The following MAP1LC3B2 variants were observed in gnomAD, a reference collection of about 807,000 sequenced individuals.
MAP1LC3B2 encodes the protein microtubule associated protein 1 light chain 3 beta 2, also known as microtubule-associated protein 1 light chain 3 beta 2.
For synonymous variants in MAP1LC3B2, 62 were observed against 57.8 expected, an observed-to-expected ratio of 1.07 and a Z score of -0.33; for missense variants, 155 against 154.6, an observed-to-expected ratio of 1.00 and a Z score of -0.01.
chr12:116,569,121 C>T lies in MAP1LC3B2; in HGVS notation c.-101-6721C>T, dbSNP rs567878531. Among the ~76,000 whole-genome samples the T allele has an allele frequency of 2.0e-5, 3 of 152,220 alleles. No homozygotes were observed. The East Asian group carries it at 5.8e-4, about 29-fold the overall frequency. ...TCATGATCCGCCCACCTCGGCCTCC[C>T]AAAGTACTGGGATTACAGGTGTGAA... On this transcript the variant is annotated intron_variant, in intron 1 of 1. Coordinates refer to ENST00000556529, the MANE Select transcript of MAP1LC3B2 (RefSeq NM_001085481.3).
At chr12:116,565,611 A>G (rs895848171) in intron 1 of MAP1LC3B2, among the ~76,000 whole-genome samples, 3 of 152,214 alleles carry the variant, frequency 2.0e-5, no homozygotes, top group African/African-American at 7.2e-5. Flanking sequence ...TCTCTTCAGG[A>G]CATAGATGAC....
Position 116,576,377 on chromosome 12 carries a change from A to C in MAP1LC3B2, c.*57A>C. 10 of 1,568,858 alleles carry C rather than the reference A, an allele frequency of 6.4e-6. No homozygotes were observed. The highest frequency in any genetic ancestry group is 8.6e-6 in the Non-Finnish European group (10 of 1,162,390). ...TTTAAACCCTTACCAAGGAAAAAAA[A>C]AGGGATGTTACCAACTGAGATCGAT... is the stretch of plus-strand genomic sequence containing the variant. On this transcript the variant is annotated 3_prime_UTR_variant, in exon 2 of 2. Transcript: ENST00000556529.
chr12:116,576,060 G>C lies in MAP1LC3B2; in HGVS notation c.118G>C (p.Gly40Arg). 1 of 1,614,188 alleles carries C rather than the reference G, an allele frequency of 6.2e-7. No homozygotes were observed. Among genetic ancestry groups the C allele is most frequent in the Non-Finnish European group, 8.5e-7 (1 of 1,180,042 alleles). The change falls in exon 2 of 2, where the codon GGT (glycine) becomes CGT (arginine). Residue 40 changes from glycine to arginine, a missense_variant. Coordinates refer to ENST00000556529, the MANE Select transcript of MAP1LC3B2 (RefSeq NM_001085481.3). The part of the protein sequence containing the change: ...KIPVIIERYK[G>R]EKQLPVLDKT... ...CCCGGTGATAATAGAACGATACAAG[G>C]GTGAGAAGCAGCTTCCTGTTCTGGA...
chr12:116,570,353 T>C (rs1182953243), intron 1 of MAP1LC3B2, among the ~76,000 whole-genome samples: 4 of 152,224 alleles, frequency 2.6e-5, no homozygotes, highest in Admixed American at 6.5e-5. Context: ...CAACACTTTA[T>C]TATAAAATAG....
At chr12:116,571,722 C>G (rs913254688) in intron 1 of MAP1LC3B2, among the ~76,000 whole-genome samples, 1 of 151,742 alleles carries the variant, frequency 6.6e-6, no homozygotes, top group African/African-American at 2.4e-5. Context: ...ACCTCGTGAT[C>G]CGCCTGTCTC....
chr12:116,572,027 G>A (rs12306091), intron 1 of MAP1LC3B2, among the ~76,000 whole-genome samples: 31,889 of 151,248 alleles, frequency 0.21, 3,772 homozygotes, highest in African/African-American at 0.31. Context: ...GAAAAGAAGG[G>A]TGTGATTGAA....
chr12:116,568,487 C>T (rs1869447357), intron 1 of MAP1LC3B2, among the ~76,000 whole-genome samples: 1 of 152,222 alleles, frequency 6.6e-6, no homozygotes, highest in Non-Finnish European at 1.5e-5. Context: ...TTGTGCAGAG[C>T]TTGGGGGATG....
rs545072746 is a variant in MAP1LC3B2, at chr12:116,570,669, T to C, written c.-101-5173T>C. Among the ~76,000 whole-genome samples the C allele has an allele frequency of 9.2e-5, 14 of 152,330 alleles. No individual in the cohort carries two copies. In the South Asian group the frequency reaches 2.9e-3, roughly 32 times the overall value. Reference sequence around the variant, plus strand: ...CTGCTGCCATGTAAGATGTGCCTTTTGCCTTCCACCATGATTGTGAGGCCT... The same window carrying C: ...CTGCTGCCATGTAAGATGTGCCTTTCGCCTTCCACCATGATTGTGAGGCCT... On this transcript the variant is annotated intron_variant, in intron 1 of 1. Transcript: ENST00000556529.
At chr12:116,562,474 C>T (rs1210124001) in intron 1 of MAP1LC3B2, among the ~76,000 whole-genome samples, 1 of 152,222 alleles carries the variant, frequency 6.6e-6, no homozygotes, top group Non-Finnish European at 1.5e-5. Flanking sequence ...AACTTAATCA[C>T]TTGCATAAAA....
At chr12:116,563,255 G>C (rs1037344579) in intron 1 of MAP1LC3B2, among the ~76,000 whole-genome samples, 3 of 152,080 alleles carry the variant, frequency 2.0e-5, no homozygotes, top group African/African-American at 4.8e-5. Context: ...CACCACACCT[G>C]GTAAAGAACT....
At chr12:116,560,245 T>C (rs561197078) in intron 1 of MAP1LC3B2, among the ~76,000 whole-genome samples, 66 of 134,220 alleles carry the variant, frequency 4.9e-4, no homozygotes, top group Non-Finnish European at 8.5e-4. Context: ...TATATATGTA[T>C]GTATATGTAT....
At chr12:116,560,093 A>G (rs1026623073) in intron 1 of MAP1LC3B2, 1 of 147,550 alleles carries the variant, frequency 6.8e-6, no homozygotes, top group African/African-American at 2.5e-5. Context: ...AACAAAAACC[A>G]CCGCAGCTCA....
At chr12:116,564,275 A>G (rs1363483831) in intron 1 of MAP1LC3B2, among the ~76,000 whole-genome samples, 1 of 152,138 alleles carries the variant, frequency 6.6e-6, no homozygotes, top group African/African-American at 2.4e-5. Flanking sequence ...CTAGATGTCT[A>G]GTAAGTTTTC....
intron 1 of MAP1LC3B2, among the ~76,000 whole-genome samples, chr12:116,560,395 C>CCT (rs1372243950): frequency 6.6e-5 from 10 of 151,688 alleles, no homozygotes; most frequent in African/African-American, 1.9e-4. Context: ...ATTACAGGTG[C>CCT]GCCACCACGC....
intron 1 of MAP1LC3B2, among the ~76,000 whole-genome samples, chr12:116,562,949 AC>A (rs1270738976): frequency 4.6e-5 from 7 of 152,248 alleles, no homozygotes; most frequent in African/African-American, 1.7e-4. Context: ...CTCAGCCCAA[AC>A]AAGAACTTTA....
Position 116,576,051 on chromosome 12 carries a change from C to A in MAP1LC3B2, c.109C>A (p.Arg37=), listed in dbSNP as rs760831587. The change falls in exon 2 of 2, where the codon CGA becomes AGA. Residue 37 remains arginine, a synonymous_variant. Coordinates refer to ENST00000556529, the MANE Select transcript of MAP1LC3B2 (RefSeq NM_001085481.3). ...AACCAAAATCCCGGTGATAATAGAA[C>A]GATACAAGGGTGAGAAGCAGCTTCC... is the stretch of plus-strand genomic sequence containing the variant. ...HPTKIPVIIE[R]YKGEKQLPVL... 6 of 1,614,078 alleles carry A rather than the reference C, an allele frequency of 3.7e-6. No homozygotes were observed. The South Asian group carries it at 4.4e-5, about 12-fold the overall frequency.
At chr12:116,574,189 G>A (rs1356245077) in intron 1 of MAP1LC3B2, among the ~76,000 whole-genome samples, 4 of 151,668 alleles carry the variant, frequency 2.6e-5, no homozygotes, top group African/African-American at 9.7e-5. Context: ...AAATGAAAAT[G>A]TCAGTATACA....
chr12:116,566,190 C>T (rs1869381116), intron 1 of MAP1LC3B2, among the ~76,000 whole-genome samples: 4 of 152,160 alleles, frequency 2.6e-5, no homozygotes, highest in African/African-American at 9.7e-5. Flanking sequence ...GGGTGAAGGG[C>T]AAGCTTGAAC....
At chr12:116,575,203 A>G (rs1016431162) in intron 1 of MAP1LC3B2, among the ~76,000 whole-genome samples, 16 of 151,888 alleles carry the variant, frequency 1.1e-4, no homozygotes, top group Admixed American at 9.8e-4. Context: ...AAAAGCAAGC[A>G]AATATTATTC....
Sources: allele counts gnomAD v4.1 joint callset (sites outside exome capture counted in the v4.1 genomes callset), GRCh38; gene constraint gnomAD v4.1.1; transcripts MANE v1.5; gene names NCBI Gene and HGNC (gene_info 2026-07-23, HGNC 2026-07-21).